Variants in AOPEP observed in about 807,000 individuals in gnomAD.
The protein encoded by AOPEP is aminopeptidase O.
In AOPEP, 77 loss-of-function variants were observed where a neutral mutation model predicts 98.1. The ratio of observed to expected loss-of-function variants is 0.78; its 90% CI spans 0.65 to 0.95. The LOEUF (loss-of-function observed/expected upper bound fraction) is 0.95. AOPEP is among the 40% of genes least tolerant of loss of function. The pLI is 0.00. For synonymous variants in AOPEP, 346 were observed against 365.3 expected (o/e 0.95, Z 0.60); for missense variants, 1,024 against 1,024.7 (o/e 1.00, Z 0.01).
rs1164701241 is a variant in AOPEP, at chr9:94,783,278, C to A, written c.965-9487C>A. Among the ~76,000 whole-genome samples the A allele has an allele frequency of 2.0e-5, 3 of 152,210 alleles. No homozygotes were observed. The South Asian group carries it at 6.2e-4, about 31-fold the overall frequency. On this transcript the variant is annotated intron_variant, in intron 3 of 16. Coordinates refer to ENST00000375315, the MANE Select transcript of AOPEP (RefSeq NM_001193329.3). ...AGAATGATCTTGAAGGTCATTCTCT[C>A]TTGCCTCTCCTGTGCCTGAGGCGGT...
intron 9 of AOPEP, among the ~76,000 whole-genome samples, chr9:94,960,872 C>T (rs866940911): frequency 4.1e-4 from 62 of 151,878 alleles, no homozygotes; most frequent in African/African-American, 1.2e-3. Flanking sequence ...ATTAGCCGGG[C>T]GCGGTGGGGG....
chr9:94,967,634 G>C (rs563731446), intron 9 of AOPEP, 124 bp from the exon 10 acceptor site: 4 of 724,462 alleles, frequency 5.5e-6, no homozygotes, highest in Admixed American at 2.2e-5. Context: ...TTTTAAGTCA[G>C]CATAGGTCTA....
intron 5 of AOPEP, among the ~76,000 whole-genome samples, chr9:94,836,159 A>G (rs920777250): frequency 6.6e-6 from 1 of 152,198 alleles, no homozygotes; most frequent in African/African-American, 2.4e-5. Context: ...ATTGCCATGT[A>G]ACTTAAGACA....
At chr9:94,922,647 C>A (rs996609067) in intron 5 of AOPEP, among the ~76,000 whole-genome samples, 4 of 151,448 alleles carry the variant, frequency 2.6e-5, no homozygotes, top group Non-Finnish European at 4.4e-5. Context: ...TTTTTTTTCC[C>A]CTGAGTTAGT....
At chr9:94,736,808 A>G (rs1033520763) in intron 1 of AOPEP, among the ~76,000 whole-genome samples, 13 of 152,204 alleles carry the variant, frequency 8.5e-5, no homozygotes, top group African/African-American at 2.4e-4. Context: ...CTCATACCTT[A>G]TTTCAACTGT....
intron 5 of AOPEP, among the ~76,000 whole-genome samples, chr9:94,834,509 A>C (rs1343800721): frequency 1.3e-5 from 2 of 152,210 alleles, no homozygotes; most frequent in East Asian, 1.9e-4. Flanking sequence ...GTCTTTGTTT[A>C]AAAAAGAGCC....
chr9:94,947,154 TG>T (rs1451085926), intron 7 of AOPEP, among the ~76,000 whole-genome samples: 6 of 151,242 alleles, frequency 4.0e-5, no homozygotes, highest in Non-Finnish European at 8.8e-5. Flanking sequence ...TTTTTTTTTT[TG>T]TATTTTTATT....
chr9:94,925,071 A>AACC (rs1335802455), intron 6 of AOPEP, among the ~76,000 whole-genome samples: 1 of 152,176 alleles, frequency 6.6e-6, no homozygotes, highest in Non-Finnish European at 1.5e-5. Flanking sequence ...GGCTCACTGC[A>AACC]ACCTCCACCT....
At chr9:94,806,787 C>A (rs1472517743) in intron 5 of AOPEP, among the ~76,000 whole-genome samples, 1 of 152,126 alleles carries the variant, frequency 6.6e-6, no homozygotes, top group African/African-American at 2.4e-5. Flanking sequence ...TTATTTTGTT[C>A]GTCTTGACAA....
At chr9:94,819,738 A>ATT in intron 5 of AOPEP, among the ~76,000 whole-genome samples, 1 of 143,538 alleles carries the variant, frequency 7.0e-6, no homozygotes, top group East Asian at 2.0e-4. Flanking sequence ...GCCTGGCTAA[A>ATT]TTTTTTTTTT....
At chr9:94,931,698 G>A in intron 7 of AOPEP, 1 of 1,520,066 alleles carries the variant, frequency 6.6e-7, no homozygotes, top group Non-Finnish European at 8.9e-7. Flanking sequence ...TAAAAATCTC[G>A]CTTTATGTCT....
At chr9:94,798,516 A>G (rs974107400) in intron 4 of AOPEP, among the ~76,000 whole-genome samples, 4 of 152,158 alleles carry the variant, frequency 2.6e-5, no homozygotes, top group African/African-American at 9.7e-5. Flanking sequence ...GTATTCTCTA[A>G]CTTTAGGGTT....
chr9:94,996,858 A>G (rs77681820), intron 11 of AOPEP, among the ~76,000 whole-genome samples: 6,310 of 152,276 alleles, frequency 0.041, 441 homozygotes, highest in African/African-American at 0.14. Flanking sequence ...GGAAGTCAGC[A>G]TGGGTTGCTT....
intron 13 of AOPEP, among the ~76,000 whole-genome samples, chr9:95,042,313 AAAATAAAT>A (rs71366272): frequency 0.81 from 118,107 of 145,302 alleles, 50,372 homozygotes; most frequent in Non-Finnish European, 0.95. Flanking sequence ...CTCTGTCTCA[AAAATAAAT>A]AAATAAATAA....
At chr9:94,895,452 G>C (rs2049413815) in intron 5 of AOPEP, among the ~76,000 whole-genome samples, 1 of 147,562 alleles carries the variant, frequency 6.8e-6, no homozygotes. Flanking sequence ...TATTAGTAAT[G>C]AAACAACAAA....
chr9:94,846,868 G>A (rs1390446818), intron 5 of AOPEP, among the ~76,000 whole-genome samples: 4 of 152,164 alleles, frequency 2.6e-5, no homozygotes, highest in Non-Finnish European at 5.9e-5. Context: ...CAGGGATGGC[G>A]CCACTGCTCT....
intron 13 of AOPEP, chr9:95,006,174 G>A (rs2062003528): frequency 2.2e-6 from 1 of 449,842 alleles, no homozygotes; most frequent in East Asian, 7.0e-5. Flanking sequence ...TTTTGATTTT[G>A]TATTAAAACT....
chr9:94,790,525 G>A (rs1032097937), intron 3 of AOPEP, among the ~76,000 whole-genome samples: 1 of 152,032 alleles, frequency 6.6e-6, no homozygotes, highest in Non-Finnish European at 1.5e-5. Context: ...CCAGAAGCAG[G>A]GTGCAGCTTC....
At position 95,008,781 on chromosome 9, in the gene AOPEP, T is replaced by G. The variant is rs2062247744; in HGVS notation, c.2115+3165T>G. On this transcript the variant is annotated intron_variant, in intron 13 of 16. Transcript: ENST00000375315. The stretch of plus-strand genomic sequence containing the variant: ...GTCCTAACAGGCTTCATTTCTTATC[T>G]CTCTGAAGATGCATCATTCTGTCTC... Among the ~76,000 whole-genome samples the G allele has an allele frequency of 4.6e-5, 7 of 152,306 alleles. No homozygotes were observed. In the South Asian group the frequency reaches 1.5e-3, roughly 32 times the overall value.
Sources: allele counts gnomAD v4.1 joint callset (sites outside exome capture counted in the v4.1 genomes callset), GRCh38; gene constraint gnomAD v4.1.1; transcripts MANE v1.5; gene names NCBI Gene and HGNC (gene_info 2026-07-23, HGNC 2026-07-21).